MROH6: variants seen among roughly 807,000 people sequenced by gnomAD.
The protein encoded by MROH6 is maestro heat-like repeat-containing protein family member 6.
Under a neutral mutation model 67.7 loss-of-function variants are expected in MROH6, and 62 were observed. The ratio of observed to expected loss-of-function variants is 0.92; its 90% CI spans 0.75 to 1.13. The LOEUF (loss-of-function observed/expected upper bound fraction) is 1.13. Among genes scored for constraint, MROH6 ranks in the 50% most tolerant of loss-of-function variants. The pLI is 0.00. For missense variants in MROH6, 1,175 were observed against 1,029.1 expected (o/e 1.14, Z -1.94); for synonymous variants, 566 against 470.8 (o/e 1.20, Z -2.62).
chr8:143,572,621 G>T lies in MROH6; in HGVS notation c.94C>A (p.Gln32Lys), dbSNP rs1187465079. ...GAAGGGGGTCCCTGGGGCTGCCCCT[G>T]CCTGGCCCGGATTCCTTCAGTCAGT... is the stretch of plus-strand genomic sequence containing the variant. ...TALTEGIRARQGQPQGPPSAG... is the reference protein window; with the variant it reads ...TALTEGIRARKGQPQGPPSAG... Residue 32 changes from glutamine (Q) to lysine (K), a missense_variant, in exon 1 of 14, where the codon CAG becomes AAG. Coordinates refer to ENST00000398882, the MANE Select transcript of MROH6 (RefSeq NM_001100878.2). 6.3e-7 allele frequency: 1 copy of T among 1,589,184 alleles called. No homozygotes were observed.
In MROH6 at chr8:143,569,945, G is replaced by A. The variant is rs1292147425; in HGVS notation, c.1158+6C>T. ...CCTTCACCACCCATCCGGGAAGCAGGCTCACCCCTGTGAAGAAGGCCATAG... is the reference window on the plus strand; with the variant it reads ...CCTTCACCACCCATCCGGGAAGCAGACTCACCCCTGTGAAGAAGGCCATAG... On this transcript the variant is annotated splice_donor_region_variant and intron_variant, in intron 7 of 13. Transcript: ENST00000398882. 5 of 1,612,866 alleles carry A rather than the reference G, an allele frequency of 3.1e-6. No individual in the cohort carries two copies. The Admixed American group carries it at 6.7e-5, about 21-fold the overall frequency.
Position 143,572,690 on chromosome 8 carries a change from T to TCCGGCC in MROH6, c.19_24dup (p.Gly7_Arg8dup). 6.6e-7 allele frequency: 1 copy of TCCGGCC among 1,513,128 alleles called. No homozygotes were observed. Among genetic ancestry groups the TCCGGCC allele is most frequent in the Non-Finnish European group, 8.8e-7 (1 of 1,134,154 alleles). 93.7% of individuals were successfully genotyped at this position (1,513,128 alleles called of 1,614,324 possible). A position where few individuals can be genotyped will look rare whatever the true frequency, so the allele number is the denominator to read the frequency against. ...CCCACGGGAGCCTCCCGGGCCCGGC[T>TCCGGCC]CCGGCCCCACACACCCCCAGCCATG... On this transcript the variant is annotated inframe_insertion, in exon 1 of 14. Transcript: ENST00000398882.
Position 143,572,527 on chromosome 8 carries a change from G to A in MROH6, c.188C>T (p.Ala63Val). The change falls in exon 1 of 14, where the codon GCC becomes GTC. Residue 63 changes from alanine (A) to valine (V), a missense_variant. Physicochemically the swap from Ala to Val is moderately conservative, Grantham distance 64 (BLOSUM62 0). Coordinates refer to ENST00000398882, the MANE Select transcript of MROH6 (RefSeq NM_001100878.2). ...EAEPQTQALT[A>V]PSEAEPGRGA... ...ACGTCCAGGCTCTGCCTCAGAGGGG[G>A]CGGTGAGTGCCTGGGTCTGTGGCTC... 1.2e-6 allele frequency: 2 copies of A among 1,606,038 alleles called. No homozygotes were observed. The highest frequency in any genetic ancestry group is 1.7e-6 in the Non-Finnish European group (2 of 1,177,286).
chr8:143,568,491 C>T (rs934330576), intron 10 of MROH6, 61 bp downstream of exon 10: 17 of 1,463,474 alleles, frequency 1.2e-5, no homozygotes, highest in African/African-American at 1.4e-5. Context: ...GGAGGGGAGG[C>T]ACGGTGGGAG....
chr8:143,567,972 G>A (rs1823728141), intron 11 of MROH6, 84 bp from the exon 12 acceptor site: 2 of 1,442,870 alleles, frequency 1.4e-6, no homozygotes, highest in East Asian at 4.8e-5. Context: ...AGGGGCCGGG[G>A]TTCCAGGGGA....
At chr8:143,571,113 A>G (rs1824010617) in intron 3 of MROH6, 119 bp from the exon 4 acceptor site, 1 of 723,288 alleles carries the variant, frequency 1.4e-6, no homozygotes, top group Admixed American at 2.5e-5. Context: ...GGGGCAGGAA[A>G]CCCCTCCCAT....
rs1353814944 is a variant in MROH6, at chr8:143,568,665, G to C, written c.1531C>G (p.Arg511Gly). ...CCCAGCCGGAGCCCGCCCCGGCCCC[G>C]GCGCACCAGAGTCCCAAGGAGCCCG... ...AVGLLGTLVR[R>G]GRGGLRLGLR... is the part of the protein sequence containing the mutation. The change falls in exon 10 of 14, where the codon CGG becomes GGG. Residue 511 changes from arginine to glycine, a missense_variant. Coordinates refer to ENST00000398882, the MANE Select transcript of MROH6 (RefSeq NM_001100878.2). 1.3e-6 allele frequency: 2 copies of C among 1,530,992 alleles called. No individual in the cohort carries two copies. Among genetic ancestry groups the C allele is most frequent in the African/African-American group, 1.4e-5 (1 of 72,570 alleles). 94.8% of individuals were successfully genotyped at this position (1,530,992 alleles called of 1,614,324 possible).
intron 9 of MROH6, 104 bp downstream of exon 9, chr8:143,569,337 G>T: frequency 1.1e-6 from 1 of 941,876 alleles, no homozygotes; most frequent in Non-Finnish European, 1.4e-6. Flanking sequence ...AGAGGGCGGG[G>T]CCTGGGCGGG....
rs1215114166 is a variant in MROH6 at position 143,567,675 on chromosome 8, G to T, written c.1869C>A (p.Gly623=). 6.3e-7 allele frequency: 1 copy of T among 1,578,944 alleles called. No homozygotes were observed. Among genetic ancestry groups the T allele is most frequent in the Admixed American group, 1.8e-5 (1 of 54,934 alleles). The change falls in exon 13 of 14, where the codon GGC becomes GGA. Residue 623 remains glycine (G), a splice_region_variant and synonymous_variant. Transcript: ENST00000398882. ...CGGGGCTGGCGTGGTGGACAAGGAA[G>T]CCTGGACCACAGCAGATGCATGAGT... The part of the protein sequence containing the change: ...PLRRAAAVLI[G]FLVHHASPGC...
At chr8:143,570,706 C>CT in intron 4 of MROH6, 49 bp from the exon 5 acceptor site, 1 of 1,547,638 alleles carries the variant, frequency 6.5e-7, no homozygotes, top group Non-Finnish European at 8.7e-7. Flanking sequence ...TGGAGCTGCA[C>CT]TGGGCAGCAG....
In MROH6 at chr8:143,567,375, C is replaced by CT. The variant is rs1823674504; in HGVS notation, c.2023_2024insA (p.Arg675GlnfsTer65). ...AAGGCGGGGCCCGCGGGGGCAGCCCCGGGCACGGGCCAGCATCGCCACCTG... is the reference window on the plus strand; with the variant it reads ...AAGGCGGGGCCCGCGGGGGCAGCCCCTGGGCACGGGCCAGCATCGCCACCTG... On this transcript the variant is annotated frameshift_variant, in exon 14 of 14. Transcript: ENST00000398882. LOFTEE classifies it low-confidence loss of function (END_TRUNC). 3.2e-6 allele frequency: 4 copies of CT among 1,235,534 alleles called. No individual in the cohort carries two copies. The highest frequency in any genetic ancestry group is 4.0e-6 in the Non-Finnish European group (4 of 989,244). 76.5% of individuals were successfully genotyped at this position (1,235,534 alleles called of 1,614,324 possible).
rs1824065892 is a variant in MROH6 at position 143,571,872 on chromosome 8, T to C, written c.448-51A>G. On this transcript the variant is annotated intron_variant, in intron 2 of 13. Transcript: ENST00000398882. Reference sequence around the variant, plus strand: ...GCAGTCAGGCCTCCTCCACCGTCCATTCCCCTCTGGCCTGCACCCCACCTC... The same window carrying C: ...GCAGTCAGGCCTCCTCCACCGTCCACTCCCCTCTGGCCTGCACCCCACCTC... The C allele has an allele frequency of 4.6e-6, 7 of 1,515,276 alleles. No homozygotes were observed. The Admixed American group carries it at 1.5e-4, about 32-fold the overall frequency. 93.9% of individuals were successfully genotyped at this position (1,515,276 alleles called of 1,614,324 possible). A position where few individuals can be genotyped will look rare whatever the true frequency, so the allele number is the denominator to read the frequency against.
chr8:143,572,744 G>T lies in MROH6; in HGVS notation c.-30C>A. The T allele has an allele frequency of 6.9e-7, 1 of 1,450,918 alleles. No homozygotes were observed. The highest frequency in any genetic ancestry group is 1.4e-5 in the South Asian group (1 of 70,686). The allele number at this position is 1,450,918 out of a possible 1,614,324, so 89.9% of individuals were successfully genotyped here. ...GCCCTTGCCTGCAGCACCTGCCGCT[G>T]CTCCTCCTGCGAAGTTGTGCCCAGG... On this transcript the variant is annotated 5_prime_UTR_variant, in exon 1 of 14. Coordinates refer to ENST00000398882, the MANE Select transcript of MROH6 (RefSeq NM_001100878.2).
In MROH6 at chr8:143,570,623, G is replaced by A. The variant is rs756571004; in HGVS notation, c.755C>T (p.Ser252Leu). The change falls in exon 5 of 14, where the codon TCG (serine) becomes TTG (leucine). Residue 252 changes from serine (S) to leucine (L), a missense_variant. Transcript: ENST00000398882. The stretch of plus-strand genomic sequence containing the variant: ...GCCCCTCGTGGCTCCCACGCAGCCC[G>A]AAACAGCCAGCATCTCCCCAAGAGC... ...TRALGEMLAV[S>L]GCVGATRGFY... 3.7e-5 allele frequency: 59 copies of A among 1,599,338 alleles called. No individual in the cohort carries two copies. The Middle Eastern group carries it at 4.9e-4, about 13-fold the overall frequency.
At position 143,567,814 on chromosome 8, in the gene MROH6, G is replaced by A. The variant is rs770376932; in HGVS notation, c.1839C>T (p.Pro613=). 16 of 1,534,760 alleles carry A rather than the reference G, an allele frequency of 1.0e-5. 1 individual carries two copies. The South Asian group carries it at 1.8e-4, about 17-fold the overall frequency. ...TAAGCACGGCGGCTGCCCGGCGCAG[G>A]GGGTCCTGTGGACTCCGCAGGTAGC... ...TQGYLRSPQD[P]LRRAAAVLIG... is the part of the protein sequence containing the mutation. Residue 613 remains proline (P), a synonymous_variant, in exon 12 of 14, where the codon CCC becomes CCT. Transcript: ENST00000398882.
In MROH6 at chr8:143,567,503, A is replaced by T. The variant is rs977531746; in HGVS notation, c.1934-38T>A. 3 of 1,443,144 alleles carry T rather than the reference A, an allele frequency of 2.1e-6. No individual in the cohort carries two copies. The East Asian group carries it at 7.7e-5, about 37-fold the overall frequency. 89.4% of individuals were successfully genotyped at this position (1,443,144 alleles called of 1,614,324 possible). On this transcript the variant is annotated intron_variant, in intron 13 of 13. Transcript: ENST00000398882. The stretch of plus-strand genomic sequence containing the variant: ...CGCGGCTCAGGCTGGGGAGCCCAGG[A>T]GGGCCGAGTGCCCGGGCCCCTGGCC...
In MROH6 at chr8:143,567,872, C is replaced by T; in HGVS notation, c.1781G>A (p.Gly594Asp). ...CTGGCTCAGGAAGTTGGGCACGTGG[C>T]CTGGGTATCGCTGAACCTGGGGACA... Reference protein sequence around the residue: ...LCCRLVQRYPGHVPNFLSQTQ... With the variant: ...LCCRLVQRYPDHVPNFLSQTQ... Residue 594 changes from glycine (G) to aspartate (D), a missense_variant, in exon 12 of 14, where the codon GGC (glycine) becomes GAC (aspartate). Physicochemically the swap from Gly to Asp is moderately conservative, Grantham distance 94. Transcript: ENST00000398882. The T allele has an allele frequency of 1.3e-6, 2 of 1,527,502 alleles. No individual in the cohort carries two copies. The highest frequency in any genetic ancestry group is 1.8e-6 in the Non-Finnish European group (2 of 1,139,822). 94.6% of individuals were successfully genotyped at this position (1,527,502 alleles called of 1,614,324 possible).
rs1824092701 is a variant in MROH6 at position 143,572,202 on chromosome 8, G to A, written c.295-17C>T. On this transcript the variant is annotated splice_polypyrimidine_tract_variant and intron_variant, in intron 1 of 13. Coordinates refer to ENST00000398882, the MANE Select transcript of MROH6 (RefSeq NM_001100878.2). Reference sequence around the variant, plus strand: ...CTGGGGAACCTAGGGCAGGATGGGTGGGGCGTCTGAAGTGCCCAAACCTCT... The same window carrying A: ...CTGGGGAACCTAGGGCAGGATGGGTAGGGCGTCTGAAGTGCCCAAACCTCT... 6.2e-7 allele frequency: 1 copy of A among 1,611,342 alleles called. No homozygotes were observed.
Position 143,570,224 on chromosome 8 carries a change from C to CCCTCCTCAA in MROH6, c.1043+18_1043+19insTTGAGGAGG, listed in dbSNP as rs759048634. 2.7e-5 allele frequency: 40 copies of CCCTCCTCAA among 1,507,044 alleles called. No individual in the cohort carries two copies. The highest frequency in any genetic ancestry group is 3.5e-5 in the Non-Finnish European group (39 of 1,129,804). The allele number at this position is 1,507,044 out of a possible 1,614,324, so 93.4% of individuals were successfully genotyped here. ...TCTTCCTGGTGTGACACCCTGGGGC[C>CCCTCCTCAA]CCTCCTCACCCTCCTCACCTGGCCA... On this transcript the variant is annotated intron_variant, in intron 6 of 13. Coordinates refer to ENST00000398882, the MANE Select transcript of MROH6 (RefSeq NM_001100878.2).
Sources: allele counts gnomAD v4.1 joint callset, GRCh38; gene constraint gnomAD v4.1.1; transcripts MANE v1.5; gene names NCBI Gene and HGNC (gene_info 2026-07-23, HGNC 2026-07-21).